The following CPEB2 variants were observed in gnomAD, a reference collection of about 807,000 sequenced individuals.
CPEB2 encodes cytoplasmic polyadenylation element-binding protein 2.
In CPEB2, 56 loss-of-function variants were observed where a neutral mutation model predicts 93.6. The observed-to-expected ratio is 0.60, with a 90% CI of 0.48 to 0.75. The LOEUF (loss-of-function observed/expected upper bound fraction) is 0.75, where lower values mean the gene tolerates loss of function less well. CPEB2 is among the 30% of genes least tolerant of loss of function. CPEB2 has a pLI of 0.00. For synonymous variants in CPEB2, 764 were observed against 586.3 expected (o/e 1.30, Z -4.38); for missense variants, 1,579 against 1,395.1 (o/e 1.13, Z -2.10).
chr4:15,056,959 TA>T (rs1225014264), intron 8 of CPEB2, among the ~76,000 whole-genome samples: 2 of 152,158 alleles, frequency 1.3e-5, no homozygotes, highest in Admixed American at 6.6e-5. Flanking sequence ...ATATTAAAGA[TA>T]TTGAATTTAG....
At chr4:15,040,419 T>C in intron 5 of CPEB2, 45 bp from the exon 6 acceptor site, 1 of 1,526,580 alleles carries the variant, frequency 6.6e-7, no homozygotes. Context: ...TGTGGGCTTA[T>C]TTTTAGTTCT....
intron 6 of CPEB2, among the ~76,000 whole-genome samples, chr4:15,048,364 A>AT (rs1727911192): frequency 6.6e-6 from 1 of 151,770 alleles, no homozygotes; most frequent in South Asian, 2.1e-4. Context: ...CTGTCGGAAG[A>AT]TTTTTTTATT....
intron 5 of CPEB2, among the ~76,000 whole-genome samples, chr4:15,036,907 A>G (rs1007510410): frequency 2.0e-5 from 3 of 152,214 alleles, no homozygotes; most frequent in Admixed American, 2.0e-4. Flanking sequence ...GTATCTATTC[A>G]GTCATAAAAA....
chr4:15,053,604 TATGTA>T (rs1214609839), intron 7 of CPEB2, among the ~76,000 whole-genome samples: 1 of 152,230 alleles, frequency 6.6e-6, no homozygotes, highest in Non-Finnish European at 1.5e-5. Context: ...ATAAGCTTTC[TATGTA>T]ATGAAATAAC....
Position 15,052,542 on chromosome 4 carries a change from C to A in CPEB2, c.2329C>A (p.Arg777=). 1.3e-6 allele frequency: 2 copies of A among 1,566,446 alleles called. No individual in the cohort carries two copies. The highest frequency in any genetic ancestry group is 1.2e-5 in the South Asian group (1 of 84,470). ...TGGAGAGCGAATAGAACGCTTCTCT[C>A]GAAAAGTTTTTGTTGGTGGTCTTCC... ...QNGERIERFS[R]KVFVGGLPPD... The change falls in exon 7 of 12, where the codon CGA becomes AGA. Residue 777 remains arginine, a synonymous_variant. Coordinates refer to ENST00000538197, the MANE Select transcript of CPEB2 (RefSeq NM_001177382.2).
intron 4 of CPEB2, among the ~76,000 whole-genome samples, chr4:15,029,601 A>G (rs532798267): frequency 1.3e-5 from 2 of 152,076 alleles, no homozygotes; most frequent in Non-Finnish European, 1.5e-5. Flanking sequence ...TAATTTGCCC[A>G]GGTTTATTAC....
intron 6 of CPEB2, among the ~76,000 whole-genome samples, chr4:15,048,348 T>G (rs1032492725): frequency 6.6e-6 from 1 of 151,994 alleles, no homozygotes; most frequent in Non-Finnish European, 1.5e-5. Context: ...AGGCCTGGAT[T>G]TTTCTCTGTC....
chr4:15,005,003 G>T (rs996630888), intron 1 of CPEB2: 3 of 152,020 alleles, frequency 2.0e-5, no homozygotes, highest in African/African-American at 7.3e-5. Context: ...CCCCTCGGGC[G>T]GTCAGTCGAG....
At chr4:15,056,803 AC>A (rs1380405437) in intron 8 of CPEB2, among the ~76,000 whole-genome samples, 1 of 152,186 alleles carries the variant, frequency 6.6e-6, no homozygotes, top group Non-Finnish European at 1.5e-5. Context: ...GCTTGCTTTA[AC>A]AAATTCGAAA....
At chr4:15,062,283 A>C (rs2109107359) in intron 11 of CPEB2, 23 bp downstream of exon 11, 1 of 1,577,944 alleles carries the variant, frequency 6.3e-7, no homozygotes, top group Admixed American at 1.7e-5. Flanking sequence ...TTGGGAAATC[A>C]CTTATGTCCT....
At chr4:15,049,486 C>T (rs1293358086) in intron 6 of CPEB2, among the ~76,000 whole-genome samples, 1 of 151,844 alleles carries the variant, frequency 6.6e-6, no homozygotes, top group Non-Finnish European at 1.5e-5. Context: ...TGCTGTTTAT[C>T]TTATTCCTTT....
At chr4:15,048,306 A>G (rs549899412) in intron 6 of CPEB2, among the ~76,000 whole-genome samples, 7 of 152,092 alleles carry the variant, frequency 4.6e-5, no homozygotes, top group South Asian at 2.1e-4. Context: ...TTCTTCTTCA[A>G]AAGTCTAGTT....
chr4:15,029,067 AGT>A (rs1235314173), intron 4 of CPEB2, among the ~76,000 whole-genome samples: 10 of 151,994 alleles, frequency 6.6e-5, no homozygotes, highest in Non-Finnish European at 4.4e-5. Flanking sequence ...AAAATGATGT[AGT>A]TTTTGCCTAT....
chr4:15,032,506 C>A (rs186523793), intron 4 of CPEB2, among the ~76,000 whole-genome samples: 1 of 152,146 alleles, frequency 6.6e-6, no homozygotes, highest in African/African-American at 2.4e-5. Context: ...AAAAAACTTT[C>A]GAATGAAGAA....
At chr4:15,059,923 A>G (rs1260662564) in intron 10 of CPEB2, among the ~76,000 whole-genome samples, 4 of 152,198 alleles carry the variant, frequency 2.6e-5, no homozygotes, top group Admixed American at 6.5e-5. Flanking sequence ...AACTATTCAT[A>G]CATGGAAATA....
chr4:15,034,665 A>G (rs1726433912), intron 5 of CPEB2, among the ~76,000 whole-genome samples: 3 of 152,224 alleles, frequency 2.0e-5, no homozygotes, highest in Admixed American at 2.0e-4. Flanking sequence ...TCAGGAAAAG[A>G]AACAATTTGA....
At chr4:15,009,174 TTGAA>T (rs1475499971) in intron 3 of CPEB2, among the ~76,000 whole-genome samples, 1 of 152,246 alleles carries the variant, frequency 6.6e-6, no homozygotes, top group Non-Finnish European at 1.5e-5. Flanking sequence ...GAGCTCAAGT[TTGAA>T]TGAGCATAGA....
intron 6 of CPEB2, among the ~76,000 whole-genome samples, chr4:15,047,036 T>G (rs1278005070): frequency 1.3e-5 from 2 of 152,220 alleles, no homozygotes; most frequent in African/African-American, 4.8e-5. Context: ...TTGAAAAGAT[T>G]TACTTTTCCA....
In CPEB2 at chr4:15,007,290, C is replaced by A; in HGVS notation, c.1663-15C>A. Reference sequence around the variant, plus strand: ...TCTTTAAATGCCGCAATTTAAATAGCTATGTTTTCCCTAGCCTCTTCTGAA... The same window carrying A: ...TCTTTAAATGCCGCAATTTAAATAGATATGTTTTCCCTAGCCTCTTCTGAA... On this transcript the variant is annotated splice_polypyrimidine_tract_variant and intron_variant, in intron 1 of 11. Coordinates refer to ENST00000538197, the MANE Select transcript of CPEB2 (RefSeq NM_001177382.2). 1 of 1,421,810 alleles carries A rather than the reference C, an allele frequency of 7.0e-7. No individual in the cohort carries two copies. Among genetic ancestry groups the A allele is most frequent in the Non-Finnish European group, 9.3e-7 (1 of 1,079,548 alleles). 88.1% of individuals were successfully genotyped at this position (1,421,810 alleles called of 1,614,324 possible). A position where few individuals can be genotyped will look rare whatever the true frequency, so the allele number is the denominator to read the frequency against.
Sources: allele counts gnomAD v4.1 joint callset (sites outside exome capture counted in the v4.1 genomes callset), GRCh38; gene constraint gnomAD v4.1.1; transcripts MANE v1.5; gene names NCBI Gene and HGNC (gene_info 2026-07-23, HGNC 2026-07-21).